The following SRPK1 variants were observed in gnomAD, a reference collection of about 807,000 sequenced individuals.
SRPK1 encodes SFRS protein kinase 1.
Under a neutral mutation model 89.5 loss-of-function variants are expected in SRPK1, and 52 were observed. That is an observed-to-expected ratio of 0.58 (90% CI 0.46 to 0.73). The LOEUF is 0.73. Ranked by LOEUF, SRPK1 falls within the 30% of genes least tolerant of loss-of-function variation. SRPK1 has a pLI of 0.00. For missense variants in SRPK1, 603 were observed against 780.6 expected (o/e 0.77, Z 2.71); for synonymous variants, 255 against 270.2 (o/e 0.94, Z 0.55).
At chr6:35,845,485 C>A (rs534332554) in intron 13 of SRPK1, among the ~76,000 whole-genome samples, 60 of 152,312 alleles carry the variant, frequency 3.9e-4, no homozygotes, top group African/African-American at 1.4e-3. Context: ...CTTCTCTAGA[C>A]TATTGCCTTT....
At chr6:35,881,353 T>TA (rs558155863) in intron 6 of SRPK1, among the ~76,000 whole-genome samples, 2 of 152,134 alleles carry the variant, frequency 1.3e-5, no homozygotes, top group Non-Finnish European at 2.9e-5. Flanking sequence ...CTACATGATT[T>TA]AAAAAACCAA....
At chr6:35,842,030 T>C (rs923258760) in intron 14 of SRPK1, among the ~76,000 whole-genome samples, 3 of 152,152 alleles carry the variant, frequency 2.0e-5, no homozygotes, top group African/African-American at 7.2e-5. Context: ...TCCATTCTAC[T>C]TTGTTTTAAA....
At position 35,833,545 on chromosome 6, in the gene SRPK1, A is replaced by G. The variant is rs771919305; in HGVS notation, c.*1759T>C. The G allele has an allele frequency of 7.2e-5, 11 of 152,776 alleles. No homozygotes were observed. The East Asian group carries it at 9.6e-4, about 13-fold the overall frequency. The allele number at this position is 152,776 out of a possible 1,614,324, so 9.5% of individuals were successfully genotyped here. A position where few individuals can be genotyped will look rare whatever the true frequency, so the allele number is the denominator to read the frequency against. On this transcript the variant is annotated 3_prime_UTR_variant, in exon 16 of 16. Coordinates refer to ENST00000373825, the MANE Select transcript of SRPK1 (RefSeq NM_003137.5). The stretch of plus-strand genomic sequence containing the variant: ...TGAAGGATTTCCCTGCCGTTGTTTG[A>G]TACAATCTATTCTCTTGATTCTTGA...
At chr6:35,896,154 G>C (rs1408626756) in intron 2 of SRPK1, among the ~76,000 whole-genome samples, 3 of 152,180 alleles carry the variant, frequency 2.0e-5, no homozygotes, top group Non-Finnish European at 4.4e-5. Flanking sequence ...AAACAACCTG[G>C]GCTTGCAACT....
chr6:35,907,346 T>C (rs1280737543), intron 2 of SRPK1, among the ~76,000 whole-genome samples: 1 of 152,184 alleles, frequency 6.6e-6, no homozygotes, highest in Admixed American at 6.5e-5. Flanking sequence ...ACCGTAGCTA[T>C]GCTTTAAAAA....
chr6:35,877,891 A>T (rs1770189993), intron 6 of SRPK1, among the ~76,000 whole-genome samples: 1 of 152,188 alleles, frequency 6.6e-6, no homozygotes, highest in Non-Finnish European at 1.5e-5. Context: ...CAAAAAGTGC[A>T]ATGTGAGAGA....
At chr6:35,895,589 G>C (rs1770612697) in intron 2 of SRPK1, 2 of 152,046 alleles carry the variant, frequency 1.3e-5, no homozygotes, top group Non-Finnish European at 2.9e-5. Context: ...TCTTTCACCT[G>C]CTCCTTTTTC....
chr6:35,867,160 T>C (rs1261061435), intron 12 of SRPK1, among the ~76,000 whole-genome samples: 1 of 151,456 alleles, frequency 6.6e-6, no homozygotes, highest in Non-Finnish European at 1.5e-5. Flanking sequence ...CATATACAAA[T>C]TAAAAAAAAA....
intron 2 of SRPK1, among the ~76,000 whole-genome samples, chr6:35,912,143 G>C (rs935882514): frequency 1.3e-4 from 19 of 151,964 alleles, no homozygotes; most frequent in Admixed American, 8.5e-4. Flanking sequence ...AGGCCAGCTT[G>C]AGGGCAACAT....
intron 14 of SRPK1, among the ~76,000 whole-genome samples, chr6:35,841,830 CA>C (rs749935901): frequency 0.079 from 3,542 of 44,684 alleles, 71 homozygotes; most frequent in African/African-American, 0.14. Context: ...GACTCCGTCT[CA>C]AAAAAAAAAA....
chr6:35,899,200 A>G (rs1338171626), intron 2 of SRPK1, among the ~76,000 whole-genome samples: 1 of 152,200 alleles, frequency 6.6e-6, no homozygotes, highest in African/African-American at 2.4e-5. Flanking sequence ...ATGAAGCACA[A>G]TTAGGCAACC....
chr6:35,874,200 A>T (rs1248689022), intron 7 of SRPK1, 33 bp downstream of exon 7: 1 of 1,472,374 alleles, frequency 6.8e-7, no homozygotes, highest in Admixed American at 1.8e-5. Context: ...TACATAGTCA[A>T]GACTAAGATA....
At chr6:35,853,194 C>A (rs1384442201) in intron 13 of SRPK1, among the ~76,000 whole-genome samples, 4 of 151,896 alleles carry the variant, frequency 2.6e-5, no homozygotes, top group African/African-American at 7.3e-5. Context: ...TCCCTTGAAC[C>A]CAGGAGTTTG....
rs775128691 is a variant in SRPK1 at position 35,835,508 on chromosome 6, G to A, written c.1784-20C>T. The A allele has an allele frequency of 1.5e-4, 232 of 1,591,448 alleles. No individual in the cohort carries two copies. The highest frequency in any genetic ancestry group is 1.9e-4 in the Non-Finnish European group (224 of 1,169,190). ...GGTCACCTGCAGTGAAGACAGTACA[G>A]AAAAAGCCACTGATCAACACAGACA... On this transcript the variant is annotated intron_variant, in intron 15 of 15. Transcript: ENST00000373825.
intron 6 of SRPK1, among the ~76,000 whole-genome samples, chr6:35,883,082 T>C (rs1561984827): frequency 1.3e-5 from 2 of 152,298 alleles, no homozygotes. Context: ...GCTGGGATTA[T>C]AGGCGTGAGC....
At chr6:35,872,424 C>T in intron 8 of SRPK1, 139 bp downstream of exon 8, 2 of 780,594 alleles carry the variant, frequency 2.6e-6, no homozygotes, top group Non-Finnish European at 3.7e-6. Flanking sequence ...GTGAGAATGT[C>T]TCTTGGAAGC....
chr6:35,838,846 AG>A (rs766292667), intron 14 of SRPK1: 12 of 1,352,190 alleles, frequency 8.9e-6, no homozygotes, highest in Non-Finnish European at 1.1e-5. Context: ...GCTGTAAAAG[AG>A]GTTTTTCTAT....
chr6:35,888,959 A>G (rs777740262), intron 3 of SRPK1, 36 bp from the exon 4 acceptor site: 16 of 1,413,802 alleles, frequency 1.1e-5, no homozygotes, highest in Middle Eastern at 1.8e-4. Flanking sequence ...CAGAAAAACC[A>G]GGATGAGAAA....
chr6:35,859,189 T>C (rs1009653704), intron 12 of SRPK1, among the ~76,000 whole-genome samples: 3 of 152,218 alleles, frequency 2.0e-5, no homozygotes, highest in Admixed American at 1.3e-4. Flanking sequence ...TGGTGCTAGA[T>C]AAGCCCCATT....
Sources: allele counts gnomAD v4.1 joint callset (sites outside exome capture counted in the v4.1 genomes callset), GRCh38; gene constraint gnomAD v4.1.1; transcripts MANE v1.5; gene names NCBI Gene and HGNC (gene_info 2026-07-23, HGNC 2026-07-21).